TMEM63C: variants seen among roughly 807,000 people sequenced by gnomAD.
The protein encoded by TMEM63C is osmosensitive cation channel TMEM63C.
A neutral mutation model predicts 99.2 loss-of-function variants in TMEM63C; 32 were observed. The observed-to-expected ratio is 0.32, with a 90% CI of 0.24 to 0.43. The LOEUF is 0.43. Ranked by LOEUF, TMEM63C falls within the 20% of genes least tolerant of loss-of-function variation. The probability of loss-of-function intolerance (pLI) is 1.00; values close to 1 mark genes in which losing one functional copy is unlikely to be tolerated. For missense variants in TMEM63C, 826 were observed against 1,053.0 expected, an observed-to-expected ratio of 0.78 and a Z score of 2.98; for synonymous variants, 376 against 397.9, an observed-to-expected ratio of 0.94 and a Z score of 0.66.
At chr14:77,253,197 G>A in intron 22 of TMEM63C, 108 bp from the exon 23 acceptor site, 1 of 943,962 alleles carries the variant, frequency 1.1e-6, no homozygotes, top group Non-Finnish European at 1.7e-6. Flanking sequence ...AAGATGAGTT[G>A]AGTTCCAAGG....
At chr14:77,242,596 T>C (rs889579578) in intron 14 of TMEM63C, 127 bp downstream of exon 14, 4 of 1,289,530 alleles carry the variant, frequency 3.1e-6, no homozygotes, top group African/African-American at 2.9e-5. Context: ...TTCCATGCTC[T>C]CCTAAGCACC....
chr14:77,231,906 C>T lies in TMEM63C; in HGVS notation c.493+176C>T, dbSNP rs573835032. Among the ~76,000 whole-genome samples, 5 of 152,344 alleles carry T rather than the reference C, an allele frequency of 3.3e-5. No individual in the cohort carries two copies. In the East Asian group the frequency reaches 5.8e-4, roughly 18 times the overall value. On this transcript the variant is annotated intron_variant, in intron 7 of 23. Transcript: ENST00000298351. ...GCTTCTCTCATGTGGAGACTGGAGA[C>T]GATTCCTCCTTTGTCACAGGTTTGG... is the stretch of plus-strand genomic sequence containing the variant.
At chr14:77,203,595 A>G (rs940762862) in intron 1 of TMEM63C, among the ~76,000 whole-genome samples, 9 of 152,128 alleles carry the variant, frequency 5.9e-5, no homozygotes, top group African/African-American at 2.2e-4. Flanking sequence ...TATTCTGGCT[A>G]CTTTCACACC....
At chr14:77,216,864 C>T (rs141653179) in intron 2 of TMEM63C, among the ~76,000 whole-genome samples, 15 of 152,162 alleles carry the variant, frequency 9.9e-5, no homozygotes, top group African/African-American at 3.6e-4. Context: ...CCTGCTCCCC[C>T]ACCTAGTCTC....
chr14:77,250,533 G>A (rs1052133177), intron 21 of TMEM63C, among the ~76,000 whole-genome samples: 4 of 150,518 alleles, frequency 2.7e-5, no homozygotes, highest in South Asian at 2.1e-4. Context: ...TCCGCCTCCC[G>A]GGTTAAAGCT....
chr14:77,252,044 G>GTGCATGCGTGCA lies in TMEM63C; in HGVS notation c.2148+162_2148+173dup, dbSNP rs796381435. Reference sequence around the variant, plus strand: ...CTGACTGTAGAGCGTGGAGCCCAGTGTGCATGCGTGCATGCATGCGTGCAT... The same window carrying GTGCATGCGTGCA: ...CTGACTGTAGAGCGTGGAGCCCAGTGTGCATGCGTGCATGCATGCGTGCATGCATGCGTGCAT... On this transcript the variant is annotated intron_variant, in intron 22 of 23. Transcript: ENST00000298351. The GTGCATGCGTGCA allele has an allele frequency of 3.4e-4, 225 of 667,820 alleles. 1 individual carries two copies. Among genetic ancestry groups the GTGCATGCGTGCA allele is most frequent in the South Asian group, 1.1e-3 (64 of 56,428 alleles). 41.4% of individuals were successfully genotyped at this position (667,820 alleles called of 1,614,324 possible).
At chr14:77,195,251 C>T (rs147564712) in intron 1 of TMEM63C, among the ~76,000 whole-genome samples, 55 of 152,252 alleles carry the variant, frequency 3.6e-4, no homozygotes, top group African/African-American at 7.0e-4. Flanking sequence ...AAGAGTTCAC[C>T]GCCAATCTTT....
At chr14:77,231,505 T>C (rs370853) in intron 6 of TMEM63C, 83 bp from the exon 7 acceptor site, 115,548 of 1,482,408 alleles carry the variant, frequency 0.078, 4,785 homozygotes, top group Admixed American at 0.098. Context: ...GTGATCATTT[T>C]CTGCCCTTCC....
chr14:77,182,652 G>C (rs1887933918), intron 1 of TMEM63C, among the ~76,000 whole-genome samples: 1 of 152,086 alleles, frequency 6.6e-6, no homozygotes, highest in South Asian at 2.1e-4. Context: ...CCCCACCCCA[G>C]CACCCCATTT....
At chr14:77,245,066 G>T (rs148160632) in intron 16 of TMEM63C, among the ~76,000 whole-genome samples, 11 of 152,334 alleles carry the variant, frequency 7.2e-5, no homozygotes, top group African/African-American at 2.4e-4. Flanking sequence ...CGCACCAAAA[G>T]TTCCTACTAT....
chr14:77,253,708 C>T (rs1398486500), intron 23 of TMEM63C, among the ~76,000 whole-genome samples: 2 of 152,202 alleles, frequency 1.3e-5, no homozygotes, highest in South Asian at 2.1e-4. Flanking sequence ...GGATTGGCCT[C>T]GGGACCAAAG....
At position 77,239,689 on chromosome 14, in the gene TMEM63C, G is replaced by T. The variant is rs191908671; in HGVS notation, c.893G>T (p.Arg298Leu). Residue 298 changes from arginine to leucine, a missense_variant, in exon 12 of 24, where the codon CGC becomes CTC. Physicochemically the swap from Arg to Leu is moderately radical, Grantham distance 102 (BLOSUM62 -2). Coordinates refer to ENST00000298351, the MANE Select transcript of TMEM63C (RefSeq NM_020431.4). ...ATGATCAGGATCCACCCCTGTGCCC[G>T]CCTGTGCTTCTGCAAGTGCTGGACC... ...KVMIRIHPCA[R>L]LCFCKCWTCF... The T allele has an allele frequency of 1.1e-5, 17 of 1,612,950 alleles. No individual in the cohort carries two copies. The African/African-American group carries it at 2.1e-4, about 20-fold the overall frequency.
chr14:77,207,734 T>C (rs1888427215), intron 1 of TMEM63C, among the ~76,000 whole-genome samples: 2 of 152,254 alleles, frequency 1.3e-5, no homozygotes, highest in South Asian at 4.1e-4. Context: ...TTCAGTGGGA[T>C]AGCCATAAGA....
intron 16 of TMEM63C, 101 bp from the exon 17 acceptor site, chr14:77,245,839 C>T: frequency 1.1e-6 from 1 of 899,382 alleles, no homozygotes. Context: ...GGACACAGAG[C>T]CAAACCATAT....
chr14:77,243,595 C>T (rs534735838), intron 15 of TMEM63C, among the ~76,000 whole-genome samples: 3 of 152,298 alleles, frequency 2.0e-5, no homozygotes, highest in African/African-American at 7.2e-5. Context: ...GCCCTCAGCC[C>T]TGGAGGAACC....
rs772998845 is a variant in TMEM63C at position 77,239,742 on chromosome 14, G to A, written c.930+16G>A. The A allele has an allele frequency of 3.5e-5, 56 of 1,611,808 alleles. No individual in the cohort carries two copies. The highest frequency in any genetic ancestry group is 8.9e-5 in the East Asian group (4 of 44,860). ...CTTCAAGGAGGTAACTGGCTTGAGC[G>A]TTGGGAGCACAGCAAGGGAGCGGTG... On this transcript the variant is annotated intron_variant, in intron 12 of 23. Coordinates refer to ENST00000298351, the MANE Select transcript of TMEM63C (RefSeq NM_020431.4).
Position 77,256,647 on chromosome 14 carries a change from T to C in TMEM63C, c.2342T>C (p.Leu781Pro). The C allele has an allele frequency of 1.9e-6, 3 of 1,613,946 alleles. No homozygotes were observed. Among genetic ancestry groups the C allele is most frequent in the Non-Finnish European group, 2.5e-6 (3 of 1,179,866 alleles). Residue 781 changes from leucine (L) to proline (P), a missense_variant, in exon 24 of 24, where the codon CTG becomes CCG. Leu to Pro is a moderately conservative substitution (Grantham distance 98). Transcript: ENST00000298351. ...QPEEGEEESG[L>P]RGFARELDSA... ...GAAGAGGGAGAAGAAGAGAGTGGTC[T>C]GAGGGGCTTTGCGAGGGAGCTAGAC...
intron 3 of TMEM63C, 50 bp downstream of exon 3, chr14:77,219,013 C>T (rs1045451348): frequency 4.1e-6 from 6 of 1,464,246 alleles, no homozygotes; most frequent in Non-Finnish European, 3.6e-6. Context: ...CAGACAGGGT[C>T]GAACTTTCAC....
At chr14:77,239,075 T>C in intron 10 of TMEM63C, among the ~76,000 whole-genome samples, 1 of 152,210 alleles carries the variant, frequency 6.6e-6, no homozygotes, top group East Asian at 1.9e-4. Context: ...GAGAAGATCA[T>C]CTGGAGACAT....
Sources: gnomAD v4.1 joint callset for allele counts (sites outside exome capture counted in the v4.1 genomes callset) on GRCh38, gnomAD v4.1.1 for gene constraint, MANE v1.5 for transcripts, NCBI Gene and HGNC (gene_info 2026-07-23, HGNC 2026-07-21) for gene names.